The following EYS variants were observed in gnomAD, a reference collection of about 807,000 sequenced individuals.
EYS encodes the protein protein eyes shut homolog.
EYS carries 250 observed loss-of-function variants against 282.1 expected under a neutral mutation model. The ratio of observed to expected loss-of-function variants is 0.89; its 90% CI spans 0.80 to 0.98. The LOEUF (loss-of-function observed/expected upper bound fraction) is 0.98, where lower values mean the gene tolerates loss of function less well. Ranked by LOEUF, EYS falls within the 50% of genes least tolerant of loss-of-function variation. The pLI is 0.00. For missense variants in EYS, 4,016 were observed against 3,709.0 expected (o/e 1.08, Z -2.15); for synonymous variants, 1,355 against 1,282.9 (o/e 1.06, Z -1.20).
At chr6:64,182,656 C>T (rs770840147) in intron 31 of EYS, among the ~76,000 whole-genome samples, 4 of 152,158 alleles carry the variant, frequency 2.6e-5, no homozygotes, top group Non-Finnish European at 4.4e-5. Flanking sequence ...TAATGCATCA[C>T]GAGCTTCCTC....
In EYS at chr6:65,252,683, A is replaced by G. The variant is rs370811319; in HGVS notation, c.2023+43180T>C. Among the ~76,000 whole-genome samples the G allele has an allele frequency of 2.0e-4, 30 of 152,132 alleles. No homozygotes were observed. The South Asian group carries it at 6.2e-3, about 31-fold the overall frequency. On this transcript the variant is annotated intron_variant, in intron 12 of 42. Coordinates refer to ENST00000503581, the MANE Select transcript of EYS (RefSeq NM_001142800.2). ...ATCTGACAAACACTTTAAAGTAGCT[A>G]TTTTTAAATGCCCTTGTAAATAATT...
At chr6:64,501,886 T>C (rs1290278833) in intron 26 of EYS, among the ~76,000 whole-genome samples, 3 of 152,086 alleles carry the variant, frequency 2.0e-5, no homozygotes. Context: ...TGTATGACCA[T>C]GAGGACATTA....
chr6:64,450,888 G>A (rs996744501), intron 26 of EYS, among the ~76,000 whole-genome samples: 3 of 152,066 alleles, frequency 2.0e-5, no homozygotes, highest in Non-Finnish European at 4.4e-5. Context: ...AGCACTAAAC[G>A]CCCACAAGAG....
intron 26 of EYS, among the ~76,000 whole-genome samples, chr6:64,440,550 C>T (rs4513769): frequency 0.28 from 42,135 of 151,892 alleles, 5,966 homozygotes; most frequent in East Asian, 0.47. Context: ...TAACAATGTC[C>T]TTTCAATTTT....
intron 16 of EYS, 84 bp from the exon 17 acceptor site, chr6:64,902,584 C>T: frequency 1.4e-6 from 1 of 736,082 alleles, no homozygotes; most frequent in Non-Finnish European, 2.1e-6. Flanking sequence ...CTAAAGAATA[C>T]ACTCATAATG....
intron 22 of EYS, among the ~76,000 whole-genome samples, chr6:64,809,499 A>C (rs1296617063): frequency 6.6e-6 from 1 of 152,060 alleles, no homozygotes; most frequent in Non-Finnish European, 1.5e-5. Context: ...AAACTGAAAA[A>C]AGTGAAATAC....
intron 11 of EYS, chr6:65,330,765 G>T: frequency 1.0e-6 from 1 of 961,438 alleles, no homozygotes; most frequent in South Asian, 4.8e-5. Flanking sequence ...AAATCACAAA[G>T]ATATTTTTCT....
At chr6:64,948,238 A>G (rs1275803861) in intron 14 of EYS, among the ~76,000 whole-genome samples, 1 of 151,374 alleles carries the variant, frequency 6.6e-6, no homozygotes, top group Non-Finnish European at 1.5e-5. Context: ...AAAAGTGCAT[A>G]GCAACTAAAA....
chr6:65,484,069 T>C (rs1279891319), intron 5 of EYS, among the ~76,000 whole-genome samples: 1 of 152,138 alleles, frequency 6.6e-6, no homozygotes, highest in Non-Finnish European at 1.5e-5. Flanking sequence ...ATAGACATAT[T>C]TTATACATCT....
At chr6:65,351,971 C>T (rs923157342) in intron 9 of EYS, among the ~76,000 whole-genome samples, 2 of 151,752 alleles carry the variant, frequency 1.3e-5, no homozygotes, top group African/African-American at 2.4e-5. Flanking sequence ...ATATTTATTT[C>T]TTTGTTTCGT....
chr6:63,919,657 C>A (rs1033921182), intron 35 of EYS, among the ~76,000 whole-genome samples: 1 of 152,204 alleles, frequency 6.6e-6, no homozygotes, highest in African/African-American at 2.4e-5. Context: ...GGTCAGCACT[C>A]CGCATCCTGG....
chr6:65,399,159 A>C (rs1405234989), intron 7 of EYS, among the ~76,000 whole-genome samples: 1 of 152,092 alleles, frequency 6.6e-6, no homozygotes, highest in Non-Finnish European at 1.5e-5. Flanking sequence ...AAATTGAGTC[A>C]GAGTGATCAT....
chr6:65,098,671 T>C (rs1384102409), intron 12 of EYS, among the ~76,000 whole-genome samples: 1 of 150,858 alleles, frequency 6.6e-6, no homozygotes, highest in Non-Finnish European at 1.5e-5. Flanking sequence ...AGCTTTTTCT[T>C]ATGTAGTAAT....
intron 8 of EYS, among the ~76,000 whole-genome samples, chr6:65,353,950 C>A (rs1284098467): frequency 1.3e-5 from 2 of 151,942 alleles, no homozygotes; most frequent in Non-Finnish European, 2.9e-5. Flanking sequence ...AAGAGATACA[C>A]CATTTAAAAC....
chr6:65,454,343 C>T (rs1764523430), intron 5 of EYS, among the ~76,000 whole-genome samples: 1 of 151,464 alleles, frequency 6.6e-6, no homozygotes, highest in Non-Finnish European at 1.5e-5. Flanking sequence ...TTTTTTTGCC[C>T]ATTGCTAAAT....
chr6:64,669,422 G>T (rs1426199964), intron 22 of EYS, among the ~76,000 whole-genome samples: 1 of 152,248 alleles, frequency 6.6e-6, no homozygotes, highest in Non-Finnish European at 1.5e-5. Context: ...AGAGAGAAAC[G>T]ACCTCAGATT....
intron 29 of EYS, among the ~76,000 whole-genome samples, chr6:64,328,626 C>G (rs1207338582): frequency 6.6e-6 from 1 of 152,122 alleles, no homozygotes; most frequent in Non-Finnish European, 1.5e-5. Context: ...GCGAAAGCTT[C>G]AGAAGTTAGA....
In EYS at chr6:64,928,814, A is replaced by AT. The variant is rs1306055254; in HGVS notation, c.2382-16072_2382-16071insA. Among the ~76,000 whole-genome samples, 125 of 152,234 alleles carry AT rather than the reference A, an allele frequency of 8.2e-4. 1 individual carries two copies. The East Asian group carries it at 0.021, about 25-fold the overall frequency. On this transcript the variant is annotated intron_variant, in intron 15 of 42. Coordinates refer to ENST00000503581, the MANE Select transcript of EYS (RefSeq NM_001142800.2). Reference sequence around the variant, plus strand: ...TCTATGTGAAATAATGAGATAACCTAATACGGAATGATTTTTTTCTAACTA... The same window carrying AT: ...TCTATGTGAAATAATGAGATAACCTATATACGGAATGATTTTTTTCTAACTA...
At chr6:64,889,545 G>A (rs1471422203) in intron 18 of EYS, among the ~76,000 whole-genome samples, 1 of 152,028 alleles carries the variant, frequency 6.6e-6, no homozygotes, top group Non-Finnish European at 1.5e-5. Flanking sequence ...CTGAAGCCAT[G>A]ACAGAAGAAC....
Sources: gnomAD v4.1 joint callset for allele counts (sites outside exome capture counted in the v4.1 genomes callset) on GRCh38, gnomAD v4.1.1 for gene constraint, MANE v1.5 for transcripts, NCBI Gene and HGNC (gene_info 2026-07-23, HGNC 2026-07-21) for gene names.